SLC7A14: variants seen among roughly 807,000 people sequenced by gnomAD.
SLC7A14 encodes gamma-aminobutyric acid transporter SLC7A14.
Under a neutral mutation model 60.2 loss-of-function variants are expected in SLC7A14, and 37 were observed. The observed-to-expected ratio is 0.61, with a 90% CI of 0.47 to 0.81. The LOEUF (loss-of-function observed/expected upper bound fraction) is 0.81, where lower values mean the gene tolerates loss of function less well. Among genes scored for constraint, SLC7A14 ranks in the 30% least tolerant of loss-of-function variants. The probability of loss-of-function intolerance (pLI) is 0.00; values close to 1 mark genes in which losing one functional copy is unlikely to be tolerated. For missense variants in SLC7A14, 886 were observed against 982.7 expected (o/e 0.90, Z 1.32); for synonymous variants, 399 against 395.8 (o/e 1.01, Z -0.10).
At chr3:170,496,766 C>T (rs1288629482) in intron 4 of SLC7A14, 10 of 728,200 alleles carry the variant, frequency 1.4e-5, no homozygotes, top group Non-Finnish European at 2.3e-5. Context: ...AGCTTTGGCT[C>T]TGTCGCGGGC....
intron 2 of SLC7A14, among the ~76,000 whole-genome samples, chr3:170,514,532 T>C (rs73040379): frequency 2.0e-5 from 3 of 152,368 alleles, no homozygotes; most frequent in African/African-American, 7.2e-5. Flanking sequence ...ATTATACATA[T>C]TGATTTACTT....
intron 1 of SLC7A14, among the ~76,000 whole-genome samples, chr3:170,547,841 G>A (rs182541350): frequency 1.1e-4 from 16 of 152,284 alleles, no homozygotes; most frequent in African/African-American, 3.4e-4. Flanking sequence ...TATGTACAAC[G>A]ATGGTTTAAT....
At position 170,467,324 on chromosome 3, in the gene SLC7A14, C is replaced by A; in HGVS notation, c.2047G>T (p.Ala683Ser). ...CTTTGGTGCAGGGCCTCTTCTCGAG[C>A]GCTGATTTCCAGGGTGCTGTTCCAG... ...GIWNSTLEISAREEALHQSTY... is the reference protein window; with the variant it reads ...GIWNSTLEISSREEALHQSTY... The change falls in exon 8 of 8, where the codon GCT (alanine) becomes TCT (serine). Residue 683 changes from alanine (A) to serine (S), a missense_variant. Ala to Ser is a moderately conservative substitution (Grantham distance 99). Coordinates refer to ENST00000231706, the MANE Select transcript of SLC7A14 (RefSeq NM_020949.3). 1 of 1,613,126 alleles carries A rather than the reference C, an allele frequency of 6.2e-7. No individual in the cohort carries two copies. Among genetic ancestry groups the A allele is most frequent in the Non-Finnish European group, 8.5e-7 (1 of 1,179,552 alleles).
In SLC7A14 at chr3:170,464,039, T is replaced by A. The variant is rs1739661173; in HGVS notation, c.*3016A>T. The A allele has an allele frequency of 6.6e-6, 1 of 152,264 alleles. No individual in the cohort carries two copies. The highest frequency in any genetic ancestry group is 1.5e-5 in the Non-Finnish European group (1 of 68,050). The allele number at this position is 152,264 out of a possible 1,614,324, so 9.4% of individuals were successfully genotyped here. ...ACTCATTGGCAAATTTAGTAAAGCATGTCAGGGTTCTGCATTTATGTACTA... is the reference window on the plus strand; with the variant it reads ...ACTCATTGGCAAATTTAGTAAAGCAAGTCAGGGTTCTGCATTTATGTACTA... On this transcript the variant is annotated 3_prime_UTR_variant, in exon 8 of 8. Coordinates refer to ENST00000231706, the MANE Select transcript of SLC7A14 (RefSeq NM_020949.3).
intron 4 of SLC7A14, among the ~76,000 whole-genome samples, chr3:170,497,087 CAAAAAAAAAA>C (rs548290941): frequency 2.1e-5 from 2 of 94,318 alleles, no homozygotes; most frequent in Non-Finnish European, 4.2e-5. Flanking sequence ...TTATTTTGTC[CAAAAAAAAAA>C]AAAAAAAAAA....
intron 2 of SLC7A14, chr3:170,502,921 G>A (rs1712659610): frequency 1.3e-5 from 2 of 152,144 alleles, no homozygotes; most frequent in South Asian, 2.1e-4. Context: ...TAAAATAAAA[G>A]TATTACACCA....
chr3:170,535,668 G>A lies in SLC7A14; in HGVS notation c.-152-8580C>T, dbSNP rs148409921. Among the ~76,000 whole-genome samples, 76 of 152,326 alleles carry A rather than the reference G, an allele frequency of 5.0e-4. No homozygotes were observed. The East Asian group carries it at 0.013, about 26-fold the overall frequency. On this transcript the variant is annotated intron_variant, in intron 1 of 7. Coordinates refer to ENST00000231706, the MANE Select transcript of SLC7A14 (RefSeq NM_020949.3). The surrounding 1 kb of genome is among the most constrained non-coding windows in gnomAD (Gnocchi z 4.3). Reference sequence around the variant, plus strand: ...GGAGGATGGAAGAGAGGCAGGCCAGGTGTTTATCCCTAGCTTCCCTTTGCC... The same window carrying A: ...GGAGGATGGAAGAGAGGCAGGCCAGATGTTTATCCCTAGCTTCCCTTTGCC...
chr3:170,561,536 A>G (rs1384248228), intron 1 of SLC7A14, among the ~76,000 whole-genome samples: 3 of 152,364 alleles, frequency 2.0e-5, no homozygotes, highest in Non-Finnish European at 4.4e-5. Context: ...TTCTTTGTCT[A>G]CAAAATGAGG....
At chr3:170,536,006 A>G (rs1350662631) in intron 1 of SLC7A14, among the ~76,000 whole-genome samples, 2 of 152,244 alleles carry the variant, frequency 1.3e-5, no homozygotes, top group East Asian at 1.9e-4. Flanking sequence ...CAGGAAATCA[A>G]CAATACCCGC....
At chr3:170,481,537 G>A (rs1711823422) in intron 6 of SLC7A14, among the ~76,000 whole-genome samples, 2 of 151,942 alleles carry the variant, frequency 1.3e-5, no homozygotes, top group East Asian at 1.9e-4. Flanking sequence ...GAGTAGCTGG[G>A]ATTACAGGCA....
chr3:170,472,575 C>T (rs1373189053), intron 7 of SLC7A14, among the ~76,000 whole-genome samples: 1 of 151,938 alleles, frequency 6.6e-6, no homozygotes, highest in Non-Finnish European at 1.5e-5. Context: ...ACCATCCTCG[C>T]TAACACGGTG....
At chr3:170,474,019 CA>C (rs1347553644) in intron 7 of SLC7A14, among the ~76,000 whole-genome samples, 5 of 152,132 alleles carry the variant, frequency 3.3e-5, no homozygotes, top group Non-Finnish European at 5.9e-5. Context: ...GCGTGTCCAC[CA>C]AAAACATGTA....
chr3:170,510,527 A>G (rs1712946485), intron 2 of SLC7A14, among the ~76,000 whole-genome samples: 1 of 152,194 alleles, frequency 6.6e-6, no homozygotes, highest in Admixed American at 6.5e-5. Context: ...GAGGAATTCA[A>G]GTATTATCTT....
intron 1 of SLC7A14, among the ~76,000 whole-genome samples, chr3:170,544,281 CA>C: frequency 6.6e-6 from 1 of 152,044 alleles, no homozygotes; most frequent in South Asian, 2.1e-4. Context: ...GAAAGAGCCT[CA>C]TTTTTCTGAA....
intron 1 of SLC7A14, among the ~76,000 whole-genome samples, chr3:170,543,723 A>G (rs1577550447): frequency 1.3e-5 from 2 of 151,800 alleles, no homozygotes; most frequent in East Asian, 3.9e-4. Flanking sequence ...GGGATGGGCT[A>G]AACTGCATTT....
chr3:170,547,646 G>A (rs1468778244), intron 1 of SLC7A14, among the ~76,000 whole-genome samples: 3 of 152,082 alleles, frequency 2.0e-5, no homozygotes, highest in Non-Finnish European at 4.4e-5. Context: ...GGAAGAGGAG[G>A]GGTTGGTCTT....
chr3:170,548,944 G>A (rs1714256618), intron 1 of SLC7A14, among the ~76,000 whole-genome samples: 1 of 152,222 alleles, frequency 6.6e-6, no homozygotes, highest in Admixed American at 6.5e-5. Flanking sequence ...CATGAAGGCA[G>A]AGTGTGTCTG....
intron 1 of SLC7A14, among the ~76,000 whole-genome samples, chr3:170,553,649 A>G (rs1010132308): frequency 2.0e-5 from 3 of 152,248 alleles, no homozygotes; most frequent in Non-Finnish European, 2.9e-5. Context: ...AGCTGAGGCT[A>G]TGAACAGTTG....
chr3:170,543,292 GA>G (rs1214467086), intron 1 of SLC7A14, among the ~76,000 whole-genome samples: 2 of 152,140 alleles, frequency 1.3e-5, no homozygotes, highest in African/African-American at 4.8e-5. Flanking sequence ...AGCCCAAGGA[GA>G]GGCCATTTTA....
Sources: allele counts gnomAD v4.1 joint callset (sites outside exome capture counted in the v4.1 genomes callset), GRCh38; gene constraint gnomAD v4.1.1; non-coding constraint Gnocchi (gnomAD v3.1); transcripts MANE v1.5; gene names NCBI Gene and HGNC (gene_info 2026-07-23, HGNC 2026-07-21).